GDA: variants seen among roughly 807,000 people sequenced by gnomAD.
GDA encodes the protein cytoplasmic PSD-95 interactor.
In GDA, 18 loss-of-function variants were observed where a neutral mutation model predicts 59.6. That is an observed-to-expected ratio of 0.30 (90% confidence interval 0.21 to 0.45). The LOEUF is 0.45. Among genes scored for constraint, GDA ranks in the 20% least tolerant of loss-of-function variants. The probability of loss-of-function intolerance (pLI) is 1.00; values close to 1 mark genes in which losing one functional copy is unlikely to be tolerated. For missense variants in GDA, 427 were observed against 552.3 expected (o/e 0.77, Z 2.27); for synonymous variants, 201 against 201.1 (o/e 1.00, Z 0.00).
intron 1 of GDA, among the ~76,000 whole-genome samples, chr9:72,177,534 A>C (rs560957281): frequency 6.6e-6 from 1 of 152,326 alleles, no homozygotes; most frequent in East Asian, 1.9e-4. Context: ...ATTACATTAA[A>C]GATATAGAGA....
intron 10 of GDA, among the ~76,000 whole-genome samples, chr9:72,237,185 C>G (rs1839105327): frequency 6.6e-6 from 1 of 152,150 alleles, no homozygotes; most frequent in Admixed American, 6.5e-5. Flanking sequence ...ACTGGCACCA[C>G]TTTCTAGGCC....
intron 10 of GDA, among the ~76,000 whole-genome samples, chr9:72,232,228 T>C (rs2131676138): frequency 6.6e-6 from 1 of 152,354 alleles, no homozygotes. Context: ...TTTAAGAGCA[T>C]CAGGCTGTAT....
chr9:72,227,792 A>G, intron 8 of GDA, 151 bp from the exon 9 acceptor site: 1 of 590,352 alleles, frequency 1.7e-6, no homozygotes, highest in South Asian at 2.1e-5. Flanking sequence ...TGTACCTAGC[A>G]ACTTTGTACA....
chr9:72,235,304 G>A (rs1001152899), intron 10 of GDA, among the ~76,000 whole-genome samples: 1 of 152,096 alleles, frequency 6.6e-6, no homozygotes, highest in African/African-American at 2.4e-5. Context: ...TGAGTGTTAG[G>A]TCCTTGAGTT....
chr9:72,227,991 T>C lies in GDA; in HGVS notation c.871T>C (p.Phe291Leu). 2 of 1,609,586 alleles carry C rather than the reference T, an allele frequency of 1.2e-6. No homozygotes were observed. Among genetic ancestry groups the C allele is most frequent in the Non-Finnish European group, 1.7e-6 (2 of 1,176,298 alleles). The part of the protein sequence containing the change: ...CYLSAEELNV[F>L]HERGASIAHC... ...CCTCTCTGCAGAAGAACTGAACGTA[T>C]TCCATGAACGAGGAGCATCCATCGC... Residue 291 changes from phenylalanine (F) to leucine (L), a missense_variant, in exon 9 of 14, where the codon TTC (phenylalanine) becomes CTC (leucine). By Grantham distance (22) the Phe-to-Leu change is conservative (BLOSUM62 0). Coordinates refer to ENST00000358399, the MANE Select transcript of GDA (RefSeq NM_004293.5).
intron 10 of GDA, among the ~76,000 whole-genome samples, chr9:72,233,174 T>C (rs1838555066): frequency 6.6e-6 from 1 of 152,166 alleles, no homozygotes; most frequent in African/African-American, 2.4e-5. Flanking sequence ...ATACTATGAA[T>C]AGAGAGCAAG....
intron 2 of GDA, 113 bp downstream of exon 2, chr9:72,195,701 T>G (rs1381795702): frequency 5.0e-6 from 2 of 397,134 alleles, no homozygotes; most frequent in Admixed American, 8.2e-5. Context: ...TAACAATAAT[T>G]ATTTTGTATT....
intron 1 of GDA, among the ~76,000 whole-genome samples, chr9:72,153,658 T>G (rs961616585): frequency 5.3e-5 from 8 of 151,240 alleles, no homozygotes; most frequent in African/African-American, 1.5e-4. Context: ...CCATAAAAAA[T>G]GATGAGTTCA....
chr9:72,216,656 TG>T (rs1836163845), intron 5 of GDA, among the ~76,000 whole-genome samples: 1 of 151,640 alleles, frequency 6.6e-6, no homozygotes, highest in African/African-American at 2.4e-5. Context: ...AGCGATTGCC[TG>T]GGGCTGGAAG....
intron 1 of GDA, among the ~76,000 whole-genome samples, chr9:72,183,955 A>C (rs1831575535): frequency 6.6e-6 from 1 of 152,198 alleles, no homozygotes; most frequent in Admixed American, 6.5e-5. Context: ...TTCTTTATTC[A>C]GATTTGACTG....
At chr9:72,146,180 T>C (rs1826625843), upstream of GDA, among the ~76,000 whole-genome samples, 1 of 151,560 alleles carries the variant, frequency 6.6e-6, no homozygotes, top group Non-Finnish European at 1.5e-5. Flanking sequence ...GAGGCAGACA[T>C]GGTGTAAGGT....
At position 72,155,869 on chromosome 9, in the gene GDA, C is replaced by T. The variant is rs530176432; in HGVS notation, c.123+6187C>T. 5.9e-5 allele frequency among the ~76,000 whole-genome samples: 9 copies of T among 152,260 alleles called. No individual in the cohort carries two copies. The East Asian group carries it at 1.7e-3, about 29-fold the overall frequency. On this transcript the variant is annotated intron_variant, in intron 1 of 13. Transcript: ENST00000358399. ...TATGTGAATTTGATCAAGTTCCTTA[C>T]CATTTGTATCTCCAAATTTCTTTAT...
chr9:72,191,402 A>T (rs1220896540), intron 1 of GDA, among the ~76,000 whole-genome samples: 1 of 152,166 alleles, frequency 6.6e-6, no homozygotes, highest in African/African-American at 2.4e-5. Flanking sequence ...TCTAACCTCG[A>T]CAAGGAAAAT....
At chr9:72,196,825 G>A (rs367558507) in intron 2 of GDA, among the ~76,000 whole-genome samples, 2 of 142,042 alleles carry the variant, frequency 1.4e-5, no homozygotes, top group Non-Finnish European at 3.0e-5. Context: ...TCCCACTTAC[G>A]AATGAGAACA....
At chr9:72,238,641 T>A (rs562060225) in intron 10 of GDA, among the ~76,000 whole-genome samples, 1 of 152,396 alleles carries the variant, frequency 6.6e-6, no homozygotes, top group Non-Finnish European at 1.5e-5. Context: ...CTTAAGTTTT[T>A]GCTCTTGCAT....
chr9:72,250,888 T>G lies in GDA; in HGVS notation c.*2546T>G. ...CGATTATCATAAATTCACAAAATAT[T>G]TTTGCAACCAGAACACAAAAGCAGG... On this transcript the variant is annotated 3_prime_UTR_variant, in exon 14 of 14. Transcript: ENST00000358399. The G allele has an allele frequency of 6.5e-7, 1 of 1,548,954 alleles. No homozygotes were observed. Among genetic ancestry groups the G allele is most frequent in the Non-Finnish European group, 8.9e-7 (1 of 1,128,008 alleles).
chr9:72,229,373 A>G (rs1414729327), intron 9 of GDA, among the ~76,000 whole-genome samples: 1 of 151,860 alleles, frequency 6.6e-6, no homozygotes, highest in African/African-American at 2.4e-5. Context: ...AAACAAACAA[A>G]CAAACAAACA....
intron 1 of GDA, among the ~76,000 whole-genome samples, chr9:72,186,451 G>GCTTAAAC: frequency 6.6e-6 from 1 of 152,186 alleles, no homozygotes; most frequent in East Asian, 1.9e-4. Context: ...GCAAGTCTCT[G>GCTTAAAC]CTTAAACCTC....
In GDA at chr9:72,250,701, A is replaced by G; in HGVS notation, c.*2359A>G. 2.5e-6 allele frequency: 4 copies of G among 1,611,310 alleles called. No homozygotes were observed. The highest frequency in any genetic ancestry group is 2.2e-5 in the South Asian group (2 of 91,044). On this transcript the variant is annotated 3_prime_UTR_variant, in exon 14 of 14. Coordinates refer to ENST00000358399, the MANE Select transcript of GDA (RefSeq NM_004293.5). ...TGAATTGTGGAGAGGCACTTTTCCAAGCCAATCTTATTTGTCACTTTTTGT... is the reference window on the plus strand; with the variant it reads ...TGAATTGTGGAGAGGCACTTTTCCAGGCCAATCTTATTTGTCACTTTTTGT...
Sources: allele counts gnomAD v4.1 joint callset (sites outside exome capture counted in the v4.1 genomes callset), GRCh38; gene constraint gnomAD v4.1.1; transcripts MANE v1.5; gene names NCBI Gene and HGNC (gene_info 2026-07-23, HGNC 2026-07-21).